The following PCDH11X variants were observed in gnomAD, a reference collection of about 807,000 sequenced individuals.
PCDH11X encodes the protein protocadherin 11 X-linked.
In PCDH11X, 18 loss-of-function variants were observed where a neutral mutation model predicts 53.3. That is an observed-to-expected ratio of 0.34 (90% CI 0.23 to 0.50). The LOEUF (loss-of-function observed/expected upper bound fraction) is 0.50, where lower values mean the gene tolerates loss of function less well. PCDH11X is among the 20% of genes least tolerant of loss of function. The pLI is 0.98. For missense variants in PCDH11X, 570 were observed against 1,032.4 expected (o/e 0.55, Z 6.14); for synonymous variants, 279 against 393.3 (o/e 0.71, Z 3.44).
chrX:91,910,448 A>G (rs1941332946), intron 6 of PCDH11X, among the ~76,000 whole-genome samples: 1 of 112,100 alleles, frequency 8.9e-6, no homozygotes, highest in Admixed American at 9.5e-5. Context: ...ATTTATCCAC[A>G]TATTTAAGCA....
chrX:92,510,197 G>A (rs1239512541), intron 10 of PCDH11X, among the ~76,000 whole-genome samples: 1 of 106,150 alleles, frequency 9.4e-6, no homozygotes, highest in Non-Finnish European at 2.0e-5. Flanking sequence ...ACATTGAAGT[G>A]TAACTAACAG....
intron 8 of PCDH11X, among the ~76,000 whole-genome samples, chrX:92,354,121 C>T (rs1298174475): frequency 1.1e-5 from 1 of 95,200 alleles, no homozygotes; most frequent in Non-Finnish European, 2.1e-5. Flanking sequence ...CAGTCCACTC[C>T]TAGACATTGC....
intron 6 of PCDH11X, among the ~76,000 whole-genome samples, chrX:92,021,575 A>G (rs1405377338): frequency 9.4e-6 from 1 of 106,622 alleles, no homozygotes; most frequent in African/African-American, 3.4e-5. Flanking sequence ...GGGGAGAATG[A>G]AACCAAGTTA....
intron 7 of PCDH11X, among the ~76,000 whole-genome samples, chrX:92,202,414 T>C (rs763673216): frequency 9.0e-6 from 1 of 111,208 alleles, no homozygotes; most frequent in East Asian, 2.9e-4. Flanking sequence ...TCAGGTGTTT[T>C]CTGTCTTTTG....
intron 6 of PCDH11X, among the ~76,000 whole-genome samples, chrX:92,123,045 C>T (rs1366083905): frequency 9.0e-6 from 1 of 111,683 alleles, no homozygotes. Context: ...GCTTTAACTA[C>T]GGCAACTATG....
At chrX:92,036,246 G>A (rs1211748391) in intron 6 of PCDH11X, among the ~76,000 whole-genome samples, 3 of 109,834 alleles carry the variant, frequency 2.7e-5, no homozygotes, top group Non-Finnish European at 5.7e-5. Context: ...GAGGAGTTCG[G>A]TGTTCATTGT....
At chrX:91,865,731 G>A (rs1367985506) in intron 5 of PCDH11X, among the ~76,000 whole-genome samples, 1 of 112,004 alleles carries the variant, frequency 8.9e-6, no homozygotes, top group Non-Finnish European at 1.9e-5. Context: ...TCCTTCCCTT[G>A]CTTCCCTGTA....
In PCDH11X at chrX:92,622,570, ATAGT is replaced by A. The variant is rs766092239; in HGVS notation, c.*3636_*3639del. Reference sequence around the variant, plus strand: ...TTTATATTTTTTGGAAACCAAATTTATAGTTAGTTTAGGTAAACTTTTTATTATG... The same window carrying A: ...TTTATATTTTTTGGAAACCAAATTTATAGTTTAGGTAAACTTTTTATTATG... On this transcript the variant is annotated 3_prime_UTR_variant, in exon 11 of 11. Coordinates refer to ENST00000682573, the MANE Select transcript of PCDH11X (RefSeq NM_032968.5). The A allele has an allele frequency of 9.7e-4, 108 of 110,972 alleles. No homozygotes were observed. Among genetic ancestry groups the A allele is most frequent in the African/African-American group, 3.4e-3 (104 of 30,708 alleles). 9.1% of individuals were successfully genotyped at this position (110,972 alleles called of 1,213,427 possible). A position where few individuals can be genotyped will look rare whatever the true frequency, so the allele number is the denominator to read the frequency against.
chrX:92,189,983 T>A (rs2066166107), intron 6 of PCDH11X, among the ~76,000 whole-genome samples: 1 of 112,053 alleles, frequency 8.9e-6, no homozygotes, highest in African/African-American at 3.2e-5. Flanking sequence ...TCAGATAGAT[T>A]GCAAAAATAT....
At chrX:92,332,423 C>T (rs2069513591) in intron 8 of PCDH11X, among the ~76,000 whole-genome samples, 1 of 111,809 alleles carries the variant, frequency 8.9e-6, no homozygotes, top group South Asian at 3.7e-4. Context: ...CATTCACATG[C>T]ATGCCTCTGA....
intron 6 of PCDH11X, among the ~76,000 whole-genome samples, chrX:91,904,685 A>G (rs1196412640): frequency 2.7e-5 from 3 of 111,175 alleles, no homozygotes; most frequent in Non-Finnish European, 5.7e-5. Flanking sequence ...ATTTTATTAA[A>G]TACTCTTCTC....
intron 4 of PCDH11X, among the ~76,000 whole-genome samples, chrX:91,817,479 C>T (rs1482184531): frequency 9.2e-6 from 1 of 108,826 alleles, no homozygotes; most frequent in Non-Finnish European, 1.9e-5. Flanking sequence ...TTTCACTGTC[C>T]TGGGTGCAGG....
chrX:92,400,044 C>T (rs2071351951), intron 9 of PCDH11X, among the ~76,000 whole-genome samples: 1 of 106,999 alleles, frequency 9.3e-6, no homozygotes, highest in South Asian at 4.4e-4. Flanking sequence ...AGCCACCGTG[C>T]CCGGCCTTTT....
intron 6 of PCDH11X, among the ~76,000 whole-genome samples, chrX:92,130,731 G>T (rs748887649): frequency 9.1e-6 from 1 of 110,225 alleles, no homozygotes; most frequent in African/African-American, 3.3e-5. Flanking sequence ...ATTTTTCTTG[G>T]GATACTTAAT....
chrX:92,185,028 T>A (rs2066065585), intron 6 of PCDH11X, among the ~76,000 whole-genome samples: 1 of 111,605 alleles, frequency 9.0e-6, no homozygotes, highest in African/African-American at 3.2e-5. Flanking sequence ...CACCTCAACA[T>A]TCTTAATTTC....
chrX:91,932,187 T>A (rs1602517108), intron 6 of PCDH11X, among the ~76,000 whole-genome samples: 2 of 111,329 alleles, frequency 1.8e-5, no homozygotes, highest in African/African-American at 6.5e-5. Flanking sequence ...GGCTGCATAG[T>A]ATTCCATGAA....
In PCDH11X at chrX:92,186,497, A is replaced by T. The variant is rs939242997; in HGVS notation, c.3034-14878A>T. On this transcript the variant is annotated intron_variant, in intron 6 of 10. Transcript: ENST00000682573. Reference sequence around the variant, plus strand: ...TACAAAATTAGCCAGGCGTGGTGGCATGCACCTGTAATCCCAGCTACTCAA... The same window carrying T: ...TACAAAATTAGCCAGGCGTGGTGGCTTGCACCTGTAATCCCAGCTACTCAA... Among the ~76,000 whole-genome samples, 3 of 110,674 alleles carry T rather than the reference A, an allele frequency of 2.7e-5. No homozygotes were observed. In the Admixed American group the frequency reaches 2.9e-4, roughly 11 times the overall value.
chrX:92,339,575 G>A (rs7050013), intron 8 of PCDH11X, among the ~76,000 whole-genome samples: 3,751 of 110,899 alleles, frequency 0.034, 101 homozygotes, highest in African/African-American at 0.095. Context: ...AAGGCCTAAG[G>A]GGAGCAGGCA....
intron 9 of PCDH11X, among the ~76,000 whole-genome samples, chrX:92,464,047 C>G (rs1489309841): frequency 3.6e-5 from 4 of 111,855 alleles, no homozygotes; most frequent in Non-Finnish European, 5.6e-5. Flanking sequence ...ATGACTTTCG[C>G]TGTTGTCAAT....
Sources: gnomAD v4.1 joint callset for allele counts (sites outside exome capture counted in the v4.1 genomes callset) on GRCh38, gnomAD v4.1.1 for gene constraint, MANE v1.5 for transcripts, NCBI Gene and HGNC (gene_info 2026-07-23, HGNC 2026-07-21) for gene names.